The following TMEM68 variants were observed in gnomAD, a reference collection of about 807,000 sequenced individuals.
TMEM68 encodes DGAT1/2-independent enzyme synthesizing storage lipids.
Under a neutral mutation model 36.9 loss-of-function variants are expected in TMEM68, and 25 were observed. That is an observed-to-expected ratio of 0.68 (90% confidence interval 0.49 to 0.95). The LOEUF is 0.95. Ranked by LOEUF, TMEM68 falls within the 40% of genes least tolerant of loss-of-function variation. TMEM68 has a pLI of 0.00. For missense variants in TMEM68, 333 were observed against 392.0 expected, an observed-to-expected ratio of 0.85 and a Z score of 1.27; for synonymous variants, 131 against 124.4, an observed-to-expected ratio of 1.05 and a Z score of -0.35.
At chr8:55,754,167 TATA>T (rs1810501599) in intron 4 of TMEM68, among the ~76,000 whole-genome samples, 1 of 150,830 alleles carries the variant, frequency 6.6e-6, no homozygotes, top group African/African-American at 2.4e-5. Flanking sequence ...GGCTCGTGCC[TATA>T]ATACCAGCAC....
chr8:55,745,314 G>A (rs1810238697), intron 5 of TMEM68, 193 bp from the exon 6 acceptor site: 1 of 332,466 alleles, frequency 3.0e-6, no homozygotes, highest in Non-Finnish European at 5.4e-6. Context: ...ATTGGCATGG[G>A]AGAAAGAGAA....
intron 6 of TMEM68, among the ~76,000 whole-genome samples, chr8:55,744,375 G>A (rs1563426498): frequency 3.9e-5 from 1 of 25,510 alleles, no homozygotes; most frequent in Non-Finnish European, 7.9e-5. Context: ...GCACGATCTC[G>A]GCTCACTGCA....
In TMEM68 at chr8:55,762,623, A is replaced by G. The variant is rs1215584384; in HGVS notation, c.325+12T>C. 4 of 1,614,176 alleles carry G rather than the reference A, an allele frequency of 2.5e-6. No individual in the cohort carries two copies. The African/African-American group carries it at 5.3e-5, about 22-fold the overall frequency. On this transcript the variant is annotated intron_variant, in intron 3 of 7. Transcript: ENST00000434581. ...TGAATGGCAACACAAAGGTGAAAGT[A>G]TCCTTGCTTACCATGCCAAACGGCT...
intron 5 of TMEM68, chr8:55,747,698 A>G (rs1810323311): frequency 1.3e-5 from 2 of 152,116 alleles, no homozygotes. Flanking sequence ...TTCAGTAAAA[A>G]ATTCAGACTG....
intron 3 of TMEM68, among the ~76,000 whole-genome samples, chr8:55,760,395 C>T (rs993243970): frequency 9.9e-5 from 15 of 152,174 alleles, no homozygotes; most frequent in Admixed American, 8.5e-4. Context: ...ATCCAGAGAT[C>T]AAGGGCAGAA....
chr8:55,769,815 T>C (rs1554556208), intron 1 of TMEM68, among the ~76,000 whole-genome samples: 1 of 152,160 alleles, frequency 6.6e-6, no homozygotes, highest in Non-Finnish European at 1.5e-5. Flanking sequence ...GTATTTTTAG[T>C]AGAGATGGGG....
intron 3 of TMEM68, among the ~76,000 whole-genome samples, chr8:55,759,600 C>A (rs6474018): frequency 0.86 from 131,243 of 151,876 alleles, 56,839 homozygotes; most frequent in East Asian, 0.99. Flanking sequence ...ATAAATAAAA[C>A]TAAAAAATAC....
chr8:55,741,031 C>T (rs1011015892), intron 7 of TMEM68, among the ~76,000 whole-genome samples: 6 of 152,006 alleles, frequency 3.9e-5, no homozygotes, highest in Non-Finnish European at 8.8e-5. Flanking sequence ...ATCAAGAGTT[C>T]GAGAGCAGCC....
chr8:55,750,654 C>A (rs1053021903), intron 5 of TMEM68, among the ~76,000 whole-genome samples: 1 of 151,820 alleles, frequency 6.6e-6, no homozygotes, highest in African/African-American at 2.4e-5. Flanking sequence ...ATTCTCCTCC[C>A]TCAGCCTCCC....
At chr8:55,749,112 G>T (rs1208064230) in intron 5 of TMEM68, among the ~76,000 whole-genome samples, 2 of 152,070 alleles carry the variant, frequency 1.3e-5, no homozygotes, top group African/African-American at 4.8e-5. Flanking sequence ...TTTTATATCT[G>T]CTATTTACTT....
intron 4 of TMEM68, among the ~76,000 whole-genome samples, chr8:55,754,422 G>A (rs1810508093): frequency 2.2e-5 from 3 of 136,530 alleles, no homozygotes; most frequent in Non-Finnish European, 4.6e-5. Flanking sequence ...TAGCCCAGGT[G>A]ACAGAGCAAG....
At chr8:55,766,824 G>T (rs1306396698) in intron 1 of TMEM68, among the ~76,000 whole-genome samples, 1 of 152,224 alleles carries the variant, frequency 6.6e-6, no homozygotes. Flanking sequence ...AATAAGTGAT[G>T]AAAGTGGCTT....
At chr8:55,763,164 A>G (rs969057419) in intron 2 of TMEM68, 136 bp from the exon 3 acceptor site, 20 of 464,236 alleles carry the variant, frequency 4.3e-5, no homozygotes, top group Non-Finnish European at 7.0e-5. Flanking sequence ...TTTGTTGCAG[A>G]TTTAAATGTG....
chr8:55,771,429 T>G (rs1318186979), intron 1 of TMEM68, among the ~76,000 whole-genome samples: 1 of 122,832 alleles, frequency 8.1e-6, no homozygotes, highest in Non-Finnish European at 1.7e-5. Flanking sequence ...TGGCAAAACC[T>G]TGTCTCTACA....
intron 1 of TMEM68, among the ~76,000 whole-genome samples, chr8:55,769,912 C>T (rs1040288255): frequency 7.2e-5 from 11 of 152,172 alleles, no homozygotes; most frequent in African/African-American, 1.2e-4. Flanking sequence ...GGATTGCAGG[C>T]GTGAGCCACC....
chr8:55,756,591 C>T (rs1810615515), intron 3 of TMEM68, among the ~76,000 whole-genome samples, 180 bp from the exon 4 acceptor site: 1 of 152,140 alleles, frequency 6.6e-6, no homozygotes. Flanking sequence ...ATCAGTCCTA[C>T]AGCCATTAGG....
chr8:55,743,650 CTTGTTAAGTA>C (rs1460859163), intron 6 of TMEM68, 30 bp from the exon 7 acceptor site: 1 of 1,520,156 alleles, frequency 6.6e-7, no homozygotes, highest in African/African-American at 1.4e-5. Flanking sequence ...ATCATTTTAA[CTTGTTAAGTA>C]TTCTGACCAT....
chr8:55,761,391 A>T (rs1283124360), intron 3 of TMEM68: 1 of 152,198 alleles, frequency 6.6e-6, no homozygotes, highest in Non-Finnish European at 1.5e-5. Context: ...TTCCCTGTCT[A>T]GCAGTAGAAA....
intron 5 of TMEM68, chr8:55,746,317 C>CAAAAAAAAAAAAAAAAAAA (rs376241142): frequency 1.7e-5 from 1 of 57,184 alleles, no homozygotes; most frequent in Non-Finnish European, 2.8e-5. Flanking sequence ...CACTGTCTCC[C>CAAAAAAAAAAAAAAAAAAA]AAAAAAAAAA....
Sources: allele counts gnomAD v4.1 joint callset (sites outside exome capture counted in the v4.1 genomes callset), GRCh38; gene constraint gnomAD v4.1.1; transcripts MANE v1.5; gene names NCBI Gene and HGNC (gene_info 2026-07-23, HGNC 2026-07-21).